Variants in KHSRP observed in about 807,000 individuals in gnomAD.
The protein encoded by KHSRP is far upstream element-binding protein 2.
KHSRP carries 13 observed loss-of-function variants against 94.9 expected under a neutral mutation model. That is an observed-to-expected ratio of 0.14 (90% CI 0.09 to 0.22). KHSRP has a LOEUF of 0.22. KHSRP is among the 10% of genes least tolerant of loss of function. KHSRP has a pLI of 1.00. For synonymous variants in KHSRP, 495 were observed against 401.4 expected (o/e 1.23, Z -2.79); for missense variants, 710 against 1,010.0 (o/e 0.70, Z 4.03).
Position 6,418,173 on chromosome 19 carries a change from C to A in KHSRP, c.880-94G>T, listed in dbSNP as rs1313089822. ...GGTGCGGGCCTCAACTAAGGACCCA[C>A]GAACCCTGGGTGAGCCCAGCACAGC... is the stretch of plus-strand genomic sequence containing the variant. On this transcript the variant is annotated intron_variant, in intron 9 of 18. Coordinates refer to ENST00000600480, the MANE Select transcript of KHSRP (RefSeq NM_001366299.1). This position sits in a 1 kb window ranked among gnomAD's most constrained non-coding sequence, Gnocchi z 4.3. 3.6e-6 allele frequency: 4 copies of A among 1,103,832 alleles called. No individual in the cohort carries two copies. The highest frequency in any genetic ancestry group is 2.0e-5 in the Admixed American group (1 of 51,076). The allele number at this position is 1,103,832 out of a possible 1,614,324, so 68.4% of individuals were successfully genotyped here.
rs188960024 is a variant in KHSRP, at chr19:6,417,102, G to A, written c.1082-15C>T. The A allele has an allele frequency of 2.8e-5, 44 of 1,583,854 alleles. No homozygotes were observed. The highest frequency in any genetic ancestry group is 6.7e-5 in the East Asian group (3 of 44,718). On this transcript the variant is annotated splice_polypyrimidine_tract_variant and intron_variant, in intron 11 of 18. Transcript: ENST00000600480. ...TGTCCCGTCATCTGAGGCCAGCACC[G>A]AGAGAGCAGAGACACAAGTTTAAAA...
At chr19:6,416,679 C>T in intron 13 of KHSRP, 29 bp from the exon 14 acceptor site, 1 of 1,613,540 alleles carries the variant, frequency 6.2e-7, no homozygotes, top group Middle Eastern at 1.7e-4. Context: ...TGAAGGTGGC[C>T]TGCAGTGATG....
chr19:6,418,804 G>T lies in KHSRP; in HGVS notation c.678C>A (p.Asn226Lys). ...CGGTGCCGTTCTGGCCCCCGTTGGC[G>T]TTGTCGTGGAACTGTCCTGGGGGGC... Reference protein sequence around the residue: ...RGGPPGQFHDNANGGQNGTVQ... With the variant: ...RGGPPGQFHDKANGGQNGTVQ... Residue 226 changes from asparagine (N) to lysine (K), a missense_variant, in exon 8 of 19, where the codon AAC (asparagine) becomes AAA (lysine). Asn to Lys is a moderately conservative substitution (Grantham distance 94). Coordinates refer to ENST00000600480, the MANE Select transcript of KHSRP (RefSeq NM_001366299.1). This position sits in a 1 kb window ranked among gnomAD's most constrained non-coding sequence, Gnocchi z 4.3. The T allele has an allele frequency of 6.3e-7, 1 of 1,596,226 alleles. No individual in the cohort carries two copies. Among genetic ancestry groups the T allele is most frequent in the Non-Finnish European group, 8.5e-7 (1 of 1,174,626 alleles).
chr19:6,424,468 C>A lies in KHSRP; in HGVS notation c.234G>T (p.Val78=). ...GCCTCCTCACCTGGCGGGCCCGCTG[C>A]ACGGCGTCGGCGAAAGCGTCCTTGC... ...GIRKDAFADA[V]QRARQIAAKI... is the part of the protein sequence containing the mutation. The change falls in exon 1 of 19, where the codon GTG becomes GTT. Residue 78 remains valine, a synonymous_variant. Coordinates refer to ENST00000600480, the MANE Select transcript of KHSRP (RefSeq NM_001366299.1). 1 of 991,060 alleles carries A rather than the reference C, an allele frequency of 1.0e-6. No homozygotes were observed. Among genetic ancestry groups the A allele is most frequent in the Non-Finnish European group, 1.2e-6 (1 of 835,058 alleles). 61.4% of individuals were successfully genotyped at this position (991,060 alleles called of 1,614,324 possible).
rs2092150887 is a variant in KHSRP at position 6,416,891 on chromosome 19, CAAG to C, written c.1183-12_1183-10del. ...GGACCTGGGGGACCACTCTGCAAGACAAGAGGAGGAGGAGGATGATGAACCCTG... is the reference window on the plus strand; with the variant it reads ...GGACCTGGGGGACCACTCTGCAAGACAGGAGGAGGAGGATGATGAACCCTG... On this transcript the variant is annotated splice_polypyrimidine_tract_variant and intron_variant, in intron 12 of 18. Coordinates refer to ENST00000600480, the MANE Select transcript of KHSRP (RefSeq NM_001366299.1). 1.9e-6 allele frequency: 3 copies of C among 1,611,896 alleles called. No individual in the cohort carries two copies. The highest frequency in any genetic ancestry group is 2.5e-6 in the Non-Finnish European group (3 of 1,179,386).
At position 6,414,956 on chromosome 19, in the gene KHSRP, C is replaced by T. The variant is rs1387655458; in HGVS notation, c.*68G>A. 40 of 1,433,226 alleles carry T rather than the reference C, an allele frequency of 2.8e-5. No homozygotes were observed. Among genetic ancestry groups the T allele is most frequent in the Middle Eastern group, 2.5e-4 (1 of 3,938 alleles). The allele number at this position is 1,433,226 out of a possible 1,614,324, so 88.8% of individuals were successfully genotyped here. On this transcript the variant is annotated 3_prime_UTR_variant, in exon 19 of 19. Coordinates refer to ENST00000600480, the MANE Select transcript of KHSRP (RefSeq NM_001366299.1). ...CTCTTCGTTTAACCTCTGGACCCAG[C>T]GAATGCTTCCCTGGCGGTGCGTGGG...
At chr19:6,417,471 G>T (rs995483750) in intron 11 of KHSRP, among the ~76,000 whole-genome samples, 4 of 152,202 alleles carry the variant, frequency 2.6e-5, no homozygotes, top group Admixed American at 2.6e-4. Flanking sequence ...GGGCACCCAG[G>T]GCTGTCCTGT....
rs897506231 is a variant in KHSRP, at chr19:6,418,291, C to T, written c.879+192G>A. Among the ~76,000 whole-genome samples, 40 of 152,170 alleles carry T rather than the reference C, an allele frequency of 2.6e-4. No individual in the cohort carries two copies. The highest frequency in any genetic ancestry group is 8.2e-4 in the African/African-American group (34 of 41,436). On this transcript the variant is annotated intron_variant, in intron 9 of 18. Transcript: ENST00000600480. This position sits in a 1 kb window ranked among gnomAD's most constrained non-coding sequence, Gnocchi z 4.3. ...AAAAGCAGAAGGTCAGAGGTGAGGC[C>T]GGTGCCTCACACACACAAAGCTGGG...
rs765261230 is a variant in KHSRP, at chr19:6,418,532, G to A, written c.830C>T (p.Thr277Met). The A allele has an allele frequency of 1.9e-6, 3 of 1,613,988 alleles. No homozygotes were observed. Among genetic ancestry groups the A allele is most frequent in the Non-Finnish European group, 1.7e-6 (2 of 1,179,874 alleles). ...GATGCGGAGAGGTTTGTCCACATTC[G>A]TATTCTGAGATCCGTCCTGAATTAA... Reference protein sequence around the residue: ...MILIQDGSQNTNVDKPLRIIG... With the variant: ...MILIQDGSQNMNVDKPLRIIG... Residue 277 changes from threonine (T) to methionine (M), a missense_variant, in exon 9 of 19, where the codon ACG becomes ATG. Coordinates refer to ENST00000600480, the MANE Select transcript of KHSRP (RefSeq NM_001366299.1). The surrounding 1 kb of genome is among the most constrained non-coding windows in gnomAD (Gnocchi z 4.3).
intron 3 of KHSRP, 138 bp downstream of exon 3, chr19:6,421,512 T>C: frequency 1.8e-6 from 2 of 1,113,802 alleles, no homozygotes; most frequent in Admixed American, 1.9e-5. Flanking sequence ...CTGGGATCCC[T>C]CAAACGTATG....
Position 6,414,800 on chromosome 19 carries a change from C to CGGTGCCCACCGTCCGCGCT in KHSRP, c.*205_*223dup. On this transcript the variant is annotated 3_prime_UTR_variant, in exon 19 of 19. Coordinates refer to ENST00000600480, the MANE Select transcript of KHSRP (RefSeq NM_001366299.1). ...GTGAGCGAGGTGGTGGCGGCCGGGC[C>CGGTGCCCACCGTCCGCGCT]GGTGCCCACCGTCCGCGCTGTCTGC... 1 of 1,166,088 alleles carries CGGTGCCCACCGTCCGCGCT rather than the reference C, an allele frequency of 8.6e-7. No individual in the cohort carries two copies. The highest frequency in any genetic ancestry group is 1.1e-6 in the Non-Finnish European group (1 of 944,732). 72.2% of individuals were successfully genotyped at this position (1,166,088 alleles called of 1,614,324 possible).
In KHSRP at chr19:6,417,965, C is replaced by A; in HGVS notation, c.978+16G>T. ...CTGGCGGGGGAGAGGGGGGTGAAGGCAGGGCCCACACTCACATCGATGCCT... is the reference window on the plus strand; with the variant it reads ...CTGGCGGGGGAGAGGGGGGTGAAGGAAGGGCCCACACTCACATCGATGCCT... On this transcript the variant is annotated intron_variant, in intron 10 of 18. Transcript: ENST00000600480. The A allele has an allele frequency of 1.9e-6, 3 of 1,612,312 alleles. No homozygotes were observed. The highest frequency in any genetic ancestry group is 2.5e-6 in the Non-Finnish European group (3 of 1,178,574).
At chr19:6,417,514 G>A (rs986540284) in intron 11 of KHSRP, among the ~76,000 whole-genome samples, 6 of 152,208 alleles carry the variant, frequency 3.9e-5, no homozygotes, top group South Asian at 2.1e-4. Context: ...GGAGGAAGAG[G>A]AGATCTGATA....
chr19:6,414,220 C>T lies in KHSRP; in HGVS notation c.*804G>A. The stretch of plus-strand genomic sequence containing the variant: ...AGGGGCTGGAACACCGTGGGGGGGG[C>T]CAGGAAGCCCCCTCCCAAACCTGCG... On this transcript the variant is annotated 3_prime_UTR_variant, in exon 19 of 19. Coordinates refer to ENST00000600480, the MANE Select transcript of KHSRP (RefSeq NM_001366299.1). 4 of 1,516,642 alleles carry T rather than the reference C, an allele frequency of 2.6e-6. No individual in the cohort carries two copies. Among genetic ancestry groups the T allele is most frequent in the Non-Finnish European group, 3.5e-6 (4 of 1,131,916 alleles). The allele number at this position is 1,516,642 out of a possible 1,614,324, so 93.9% of individuals were successfully genotyped here. A position where few individuals can be genotyped will look rare whatever the true frequency, so the allele number is the denominator to read the frequency against.
At chr19:6,421,880 G>A (rs981471278) in intron 2 of KHSRP, among the ~76,000 whole-genome samples, 192 bp from the exon 3 acceptor site, 3 of 152,212 alleles carry the variant, frequency 2.0e-5, no homozygotes, top group Admixed American at 6.5e-5. Context: ...CCAACGCTCA[G>A]AGTAAAAAAG....
chr19:6,414,330 A>G lies in KHSRP; in HGVS notation c.*694T>C. 1 of 1,400,200 alleles carries G rather than the reference A, an allele frequency of 7.1e-7. No individual in the cohort carries two copies. The highest frequency in any genetic ancestry group is 1.8e-5 in the South Asian group (1 of 57,134). The allele number at this position is 1,400,200 out of a possible 1,614,324, so 86.7% of individuals were successfully genotyped here. A position where few individuals can be genotyped will look rare whatever the true frequency, so the allele number is the denominator to read the frequency against. Reference sequence around the variant, plus strand: ...CTGAAGTCACGCTGCTCCCTGATGGAGAAGGAGGGACAGAGCAGGAAGAGA... The same window carrying G: ...CTGAAGTCACGCTGCTCCCTGATGGGGAAGGAGGGACAGAGCAGGAAGAGA... On this transcript the variant is annotated 3_prime_UTR_variant, in exon 19 of 19. Transcript: ENST00000600480.
At position 6,416,900 on chromosome 19, in the gene KHSRP, G is replaced by A. The variant is rs771531884; in HGVS notation, c.1183-18C>T. The A allele has an allele frequency of 6.2e-7, 1 of 1,612,594 alleles. No individual in the cohort carries two copies. Among genetic ancestry groups the A allele is most frequent in the Non-Finnish European group, 8.5e-7 (1 of 1,179,618 alleles). ...GGACCACTCTGCAAGACAAGAGGAGGAGGAGGATGATGAACCCTGGAAGCC... is the reference window on the plus strand; with the variant it reads ...GGACCACTCTGCAAGACAAGAGGAGAAGGAGGATGATGAACCCTGGAAGCC... On this transcript the variant is annotated intron_variant, in intron 12 of 18. Transcript: ENST00000600480.
Position 6,424,626 on chromosome 19 carries a change from C to A in KHSRP, c.76G>T (p.Ala26Ser), listed in dbSNP as rs1383876405. ...PAGGGGGAGG[A>S]GGGPPPGPPG... ...GGGCCCGGCGGAGGGCCTCCCCCGG[C>A]GCCTCCGGCTCCCCCGCCCCCGCCG... The change falls in exon 1 of 19, where the codon GCC becomes TCC. Residue 26 changes from alanine (A) to serine (S), a missense_variant. Physicochemically the swap from Ala to Ser is moderately conservative, Grantham distance 99. This residue lies in a region of KHSRP where 92 missense variants were observed against 80.8 expected (regional missense o/e 1.14). Coordinates refer to ENST00000600480, the MANE Select transcript of KHSRP (RefSeq NM_001366299.1). The A allele has an allele frequency of 1.4e-4, 133 of 977,526 alleles. No homozygotes were observed. The highest frequency in any genetic ancestry group is 2.5e-4 in the Admixed American group (4 of 15,852). 60.6% of individuals were successfully genotyped at this position (977,526 alleles called of 1,614,324 possible). A position where few individuals can be genotyped will look rare whatever the true frequency, so the allele number is the denominator to read the frequency against.
Position 6,413,307 on chromosome 19 carries a change from G to A in KHSRP, c.*1717C>T. 3.9e-6 allele frequency: 1 copy of A among 258,468 alleles called. No individual in the cohort carries two copies. The highest frequency in any genetic ancestry group is 3.0e-5 in the South Asian group (1 of 33,028). The allele number at this position is 258,468 out of a possible 1,614,324, so 16.0% of individuals were successfully genotyped here. A position where few individuals can be genotyped will look rare whatever the true frequency, so the allele number is the denominator to read the frequency against. On this transcript the variant is annotated 3_prime_UTR_variant, in exon 19 of 19. Coordinates refer to ENST00000600480, the MANE Select transcript of KHSRP (RefSeq NM_001366299.1). ...AACATCCGCTTCAAAACTACAGGGAGGGAAGGAAAGGGGGGGAGACAGACA... is the reference window on the plus strand; with the variant it reads ...AACATCCGCTTCAAAACTACAGGGAAGGAAGGAAAGGGGGGGAGACAGACA...
Sources: gnomAD v4.1 joint callset for allele counts (sites outside exome capture counted in the v4.1 genomes callset) on GRCh38, gnomAD v4.1.1 for gene constraint, gnomAD v4.1.1 regional missense constraint, Gnocchi (gnomAD v3.1) non-coding constraint, MANE v1.5 for transcripts, NCBI Gene and HGNC (gene_info 2026-07-23, HGNC 2026-07-21) for gene names.